The following C4orf54 variants were observed in gnomAD, a reference collection of about 807,000 sequenced individuals.
C4orf54 encodes uncharacterized protein C4orf54.
In C4orf54, 67 loss-of-function variants were observed where a neutral mutation model predicts 80.1. The observed-to-expected ratio is 0.84, with a 90% confidence interval of 0.69 to 1.03. The LOEUF (loss-of-function observed/expected upper bound fraction) is 1.03, where lower values mean the gene tolerates loss of function less well. Among genes scored for constraint, C4orf54 ranks in the 50% least tolerant of loss-of-function variants. The probability of loss-of-function intolerance (pLI) is 0.00; values close to 1 mark genes in which losing one functional copy is unlikely to be tolerated. For synonymous variants in C4orf54, 1,000 were observed against 917.0 expected (o/e 1.09, Z -1.64); for missense variants, 2,434 against 2,253.5 (o/e 1.08, Z -1.62).
chr4:99,643,153 A>T (rs1726633811), intron 2 of C4orf54, among the ~76,000 whole-genome samples: 1 of 152,164 alleles, frequency 6.6e-6, no homozygotes, highest in Non-Finnish European at 1.5e-5. Context: ...TGAGGCATTT[A>T]TGAGGATCTA....
rs1233609997 is a variant in C4orf54, at chr4:99,649,928, G to A, written c.4721C>T (p.Pro1574Leu). 3.3e-6 allele frequency: 5 copies of A among 1,530,326 alleles called. No homozygotes were observed. Among genetic ancestry groups the A allele is most frequent in the Non-Finnish European group, 3.5e-6 (4 of 1,142,440 alleles). The allele number at this position is 1,530,326 out of a possible 1,614,324, so 94.8% of individuals were successfully genotyped here. The change falls in exon 2 of 3, where the codon CCT becomes CTT. Residue 1574 changes from proline to leucine, a missense_variant. Physicochemically the swap from Pro to Leu is moderately conservative, Grantham distance 98. Transcript: ENST00000511828. ...PLPFTLQGAQ[P>L]QVLCFSPPSM... ...GGGTGGGGAGAAGCAGAGGACCTGA[G>A]GCTGGGCCCCCTGTAGGGTGAAGGG...
intron 2 of C4orf54, among the ~76,000 whole-genome samples, chr4:99,642,297 A>G (rs1726620111): frequency 6.6e-6 from 1 of 152,224 alleles, no homozygotes; most frequent in African/African-American, 2.4e-5. Context: ...AATAATTTCA[A>G]TGTGGATACA....
chr4:99,655,377 T>G (rs895996435), intron 1 of C4orf54, among the ~76,000 whole-genome samples: 9 of 152,318 alleles, frequency 5.9e-5, no homozygotes, highest in Non-Finnish European at 1.2e-4. Context: ...AAAAGATCCC[T>G]AAACTTGTAG....
Position 99,647,782 on chromosome 4 carries a change from A to T in C4orf54, c.*36+1449T>A, listed in dbSNP as rs571116399. 5.3e-5 allele frequency among the ~76,000 whole-genome samples: 8 copies of T among 152,350 alleles called. No homozygotes were observed. In the South Asian group the frequency reaches 1.7e-3, roughly 32 times the overall value. On this transcript the variant is annotated intron_variant, in intron 2 of 2. Coordinates refer to ENST00000511828, the MANE Select transcript of C4orf54 (RefSeq NM_001354435.2). ...CATTGTTATATCATCTGATATTTAG[A>T]TACATGTTTAGGGTTAGATATTATT...
At position 99,637,614 on chromosome 4, in the gene C4orf54, A is replaced by T. The variant is rs1726529312; in HGVS notation, c.*3619T>A. ...TTCTACATATATCTCCTTAGAAATT[A>T]TGTGAAAGCCTAACATATTTTGTGA... On this transcript the variant is annotated 3_prime_UTR_variant, in exon 3 of 3. Transcript: ENST00000511828. 1 of 152,218 alleles carries T rather than the reference A, an allele frequency of 6.6e-6. No individual in the cohort carries two copies. The highest frequency in any genetic ancestry group is 6.5e-5 in the Admixed American group (1 of 15,274). The allele number at this position is 152,218 out of a possible 1,614,324, so 9.4% of individuals were successfully genotyped here. A position where few individuals can be genotyped will look rare whatever the true frequency, so the allele number is the denominator to read the frequency against.
At chr4:99,642,941 C>G (rs1578267624) in intron 2 of C4orf54, among the ~76,000 whole-genome samples, 1 of 152,182 alleles carries the variant, frequency 6.6e-6, no homozygotes, top group Non-Finnish European at 1.5e-5. Flanking sequence ...TACTAGAGTA[C>G]CCTGACACAC....
In C4orf54 at chr4:99,651,178, A is replaced by AT; in HGVS notation, c.3470_3471insA (p.Val1158CysfsTer53). ...TGCTGTCTTCCCTCTGGTTCACTAC[A>AT]GCCTGGCATGTAATCACCATGGGGG... is the stretch of plus-strand genomic sequence containing the variant. On this transcript the variant is annotated frameshift_variant, in exon 2 of 3. Transcript: ENST00000511828. LOFTEE classifies it high-confidence loss of function. The AT allele has an allele frequency of 6.5e-7, 1 of 1,536,040 alleles. No individual in the cohort carries two copies. Among genetic ancestry groups the AT allele is most frequent in the Non-Finnish European group, 8.7e-7 (1 of 1,146,880 alleles).
chr4:99,643,626 GT>G (rs1337391655), intron 2 of C4orf54, among the ~76,000 whole-genome samples: 1 of 152,000 alleles, frequency 6.6e-6, no homozygotes, highest in Non-Finnish European at 1.5e-5. Flanking sequence ...AGGACAGCTA[GT>G]TTTTTAATCA....
At position 99,649,394 on chromosome 4, in the gene C4orf54, G is replaced by A; in HGVS notation, c.5255C>T (p.Ala1752Val). The A allele has an allele frequency of 6.5e-7, 1 of 1,536,160 alleles. No individual in the cohort carries two copies. The highest frequency in any genetic ancestry group is 8.7e-7 in the Non-Finnish European group (1 of 1,146,916). Residue 1752 changes from alanine to valine, a missense_variant, in exon 2 of 3, where the codon GCC (alanine) becomes GTC (valine). Coordinates refer to ENST00000511828, the MANE Select transcript of C4orf54 (RefSeq NM_001354435.2). ...APAATSQLLG[A>V]KAFAQLHGKP... ...GCCATGCAGCTGGGCAAAGGCCTTG[G>A]CCCCTAGGAGCTGGGATGTGGCTGC...
Position 99,652,151 on chromosome 4 carries a change from T to A in C4orf54, c.2498A>T (p.Glu833Val). 1 of 1,536,032 alleles carries A rather than the reference T, an allele frequency of 6.5e-7. No individual in the cohort carries two copies. Among genetic ancestry groups the A allele is most frequent in the Non-Finnish European group, 8.7e-7 (1 of 1,146,854 alleles). The change falls in exon 2 of 3, where the codon GAA becomes GTA. Residue 833 changes from glutamate to valine, a missense_variant. By Grantham distance (121) the Glu-to-Val change is moderately radical. Transcript: ENST00000511828. ...GAGGTGGTGGGATGTATCCATGACT[T>A]CTCCCCTCTCCATTTTGAACTCGTG... ...REHEFKMERG[E>V]VMDTSHHLSG...
chr4:99,636,652 T>C lies in C4orf54; in HGVS notation c.*4581A>G, dbSNP rs1726507455. The stretch of plus-strand genomic sequence containing the variant: ...ATTTACAAATGCTGGCAATTAAAGG[T>C]AAGTAGCCTAGTCTCACAGAATCCT... On this transcript the variant is annotated 3_prime_UTR_variant, in exon 3 of 3. Coordinates refer to ENST00000511828, the MANE Select transcript of C4orf54 (RefSeq NM_001354435.2). 6.6e-6 allele frequency: 1 copy of C among 152,122 alleles called. No individual in the cohort carries two copies. Among genetic ancestry groups the C allele is most frequent in the African/African-American group, 2.4e-5 (1 of 41,418 alleles). The allele number at this position is 152,122 out of a possible 1,614,324, so 9.4% of individuals were successfully genotyped here.
chr4:99,652,370 C>A lies in C4orf54; in HGVS notation c.2279G>T (p.Ser760Ile). The change falls in exon 2 of 3, where the codon AGC (serine) becomes ATC (isoleucine). Residue 760 changes from serine (S) to isoleucine (I), a missense_variant. Physicochemically the swap from Ser to Ile is moderately radical, Grantham distance 142 (BLOSUM62 -2). Transcript: ENST00000511828. ...LLEPLNVRSE[S>I]KASSAPGPGR... The stretch of plus-strand genomic sequence containing the variant: ...GGGCCCAGGGGCCGAGCTGGCTTTG[C>A]TCTCACTGCGTACATTCAGGGGCTC... The A allele has an allele frequency of 6.5e-7, 1 of 1,536,082 alleles. No individual in the cohort carries two copies. The highest frequency in any genetic ancestry group is 8.7e-7 in the Non-Finnish European group (1 of 1,146,894).
chr4:99,649,681 A>G lies in C4orf54; in HGVS notation c.4968T>C (p.Ala1656=). Residue 1656 remains alanine (A), a synonymous_variant, in exon 2 of 3, where the codon GCT becomes GCC. Coordinates refer to ENST00000511828, the MANE Select transcript of C4orf54 (RefSeq NM_001354435.2). ...VPMTSQQQAV[A]PMSISVPPLA... is the part of the protein sequence containing the mutation. ...AGGGAGGCACAGAGATGGACATGGGAGCCACAGCCTGCTGCTGGGAGGTCA... is the reference window on the plus strand; with the variant it reads ...AGGGAGGCACAGAGATGGACATGGGGGCCACAGCCTGCTGCTGGGAGGTCA... The G allele has an allele frequency of 6.5e-7, 1 of 1,536,150 alleles. No individual in the cohort carries two copies. The highest frequency in any genetic ancestry group is 8.7e-7 in the Non-Finnish European group (1 of 1,146,906).
Position 99,653,025 on chromosome 4 carries a change from T to A in C4orf54, c.1624A>T (p.Ile542Phe). 6.5e-7 allele frequency: 1 copy of A among 1,536,154 alleles called. No homozygotes were observed. Among genetic ancestry groups the A allele is most frequent in the Admixed American group, 2.0e-5 (1 of 51,006 alleles). Residue 542 changes from isoleucine to phenylalanine, a missense_variant, in exon 2 of 3, where the codon ATT becomes TTT. Physicochemically the swap from Ile to Phe is conservative, Grantham distance 21 (BLOSUM62 0). Coordinates refer to ENST00000511828, the MANE Select transcript of C4orf54 (RefSeq NM_001354435.2). ...CCTTCATGCTTGGCAGCATAAATAA[T>A]GTTTTGCTTTGCACGCACGTTGCTA... The part of the protein sequence containing the change: ...EPSNVRAKQN[I>F]IYAAKHEGDM...
chr4:99,645,882 C>T (rs1029258019), intron 2 of C4orf54, among the ~76,000 whole-genome samples: 2 of 152,014 alleles, frequency 1.3e-5, no homozygotes, highest in African/African-American at 4.8e-5. Context: ...CAGCCTTGTG[C>T]CTTAATCACA....
In C4orf54 at chr4:99,651,616, G is replaced by A. The variant is rs1006306027; in HGVS notation, c.3033C>T (p.Tyr1011=). 1.3e-6 allele frequency: 2 copies of A among 1,536,100 alleles called. No individual in the cohort carries two copies. Among genetic ancestry groups the A allele is most frequent in the Admixed American group, 3.9e-5 (2 of 50,998 alleles). Residue 1011 remains tyrosine (Y), a synonymous_variant, in exon 2 of 3, where the codon TAC becomes TAT. Coordinates refer to ENST00000511828, the MANE Select transcript of C4orf54 (RefSeq NM_001354435.2). The part of the protein sequence containing the change: ...DKQPRKQATK[Y]PAAQATSTAV... ...CTGTGGAGGTGGCCTGAGCAGCAGG[G>A]TACTTGGTGGCCTGCTTCCTCGGCT...
intron 1 of C4orf54, 55 bp from the exon 2 acceptor site, chr4:99,654,734 C>T (rs1327530377): frequency 3.2e-6 from 2 of 616,764 alleles, no homozygotes; most frequent in African/African-American, 1.8e-5. Flanking sequence ...AGTGTCCATT[C>T]CGTAGTCATA....
At chr4:99,643,770 ACACACACACACACACACACACAC>A (rs1726645397) in intron 2 of C4orf54, among the ~76,000 whole-genome samples, 1 of 140,234 alleles carries the variant, frequency 7.1e-6, no homozygotes, top group Non-Finnish European at 1.6e-5. Context: ...ACACACACAC[ACACACACACACACACACACACAC>A]CCCCTCCGCG....
chr4:99,654,199 A>C lies in C4orf54; in HGVS notation c.450T>G (p.Pro150=), dbSNP rs1578278124. Residue 150 remains proline (P), a synonymous_variant, in exon 2 of 3, where the codon CCT becomes CCG. Coordinates refer to ENST00000511828, the MANE Select transcript of C4orf54 (RefSeq NM_001354435.2). ...GQGLIMEAAP[P]ELNSKARQAE... is the part of the protein sequence containing the mutation. ...CCTGTCTTGCTTTCGAATTCAGCTC[A>C]GGAGGGGCAGCTTCCATTATGAGCC... is the stretch of plus-strand genomic sequence containing the variant. 3.3e-6 allele frequency: 5 copies of C among 1,536,154 alleles called. No homozygotes were observed. Among genetic ancestry groups the C allele is most frequent in the Non-Finnish European group, 1.7e-6 (2 of 1,146,910 alleles).
Sources: allele counts gnomAD v4.1 joint callset (sites outside exome capture counted in the v4.1 genomes callset), GRCh38; gene constraint gnomAD v4.1.1; transcripts MANE v1.5; gene names NCBI Gene and HGNC (gene_info 2026-07-23, HGNC 2026-07-21).